ARHGEF10L: variants seen among roughly 807,000 people sequenced by gnomAD.
ARHGEF10L encodes the protein Rho guanine nucleotide exchange factor 10 like.
Under a neutral mutation model 141.2 loss-of-function variants are expected in ARHGEF10L, and 69 were observed. The ratio of observed to expected loss-of-function variants is 0.49; its 90% confidence interval spans 0.40 to 0.60. ARHGEF10L has a LOEUF of 0.60. ARHGEF10L is among the 20% of genes least tolerant of loss of function. The pLI, the probability that ARHGEF10L is intolerant of heterozygous loss-of-function variation, is 0.00. For synonymous variants in ARHGEF10L, 711 were observed against 718.5 expected (o/e 0.99, Z 0.17); for missense variants, 1,482 against 1,734.3 (o/e 0.85, Z 2.58).
chr1:17,587,376 A>T, intron 2 of ARHGEF10L, 84 bp from the exon 3 acceptor site: 1 of 1,405,182 alleles, frequency 7.1e-7, no homozygotes, highest in Non-Finnish European at 9.7e-7. Flanking sequence ...ACCCAGTTCC[A>T]GCCATGCCCA....
At chr1:17,570,096 C>T (rs1398373256) in intron 1 of ARHGEF10L, among the ~76,000 whole-genome samples, 4 of 152,192 alleles carry the variant, frequency 2.6e-5, no homozygotes, top group South Asian at 2.1e-4. Context: ...CCCAGGGGCC[C>T]GACTTGGGAC....
chr1:17,567,166 A>G (rs2077791002), intron 1 of ARHGEF10L, among the ~76,000 whole-genome samples: 1 of 152,192 alleles, frequency 6.6e-6, no homozygotes, highest in African/African-American at 2.4e-5. Context: ...CCATCCGTGC[A>G]TCCGCCCCTC....
intron 28 of ARHGEF10L, 23 bp from the exon 29 acceptor site, chr1:17,696,825 C>T: frequency 6.6e-7 from 1 of 1,515,104 alleles, no homozygotes. Flanking sequence ...GGGCCCCTTT[C>T]TCTCTCGCCC....
rs1402147348 is a variant in ARHGEF10L at position 17,606,135 on chromosome 1, G to A, written c.434-1667G>A. 4.6e-5 allele frequency among the ~76,000 whole-genome samples: 7 copies of A among 152,086 alleles called. No homozygotes were observed. In the South Asian group the frequency reaches 1.0e-3, roughly 23 times the overall value. ...CGGCCTACTGCTCTCAGCCGAGTGC[G>A]TGCTATGTGTCAGGCACTTTGCCAA... On this transcript the variant is annotated intron_variant, in intron 6 of 28. Coordinates refer to ENST00000361221, the MANE Select transcript of ARHGEF10L (RefSeq NM_018125.4).
At position 17,640,994 on chromosome 1, in the gene ARHGEF10L, G is replaced by T. The variant is rs76635026; in HGVS notation, c.2272+692G>T. On this transcript the variant is annotated intron_variant, in intron 21 of 28. Coordinates refer to ENST00000361221, the MANE Select transcript of ARHGEF10L (RefSeq NM_018125.4). ...TCCATTGAGGATTCTGAGGCCCAGA[G>T]ATGTGCGGGGACTTGCCTGAGGTCA... Among the ~76,000 whole-genome samples the T allele has an allele frequency of 6.6e-5, 10 of 152,330 alleles. No homozygotes were observed. In the East Asian group the frequency reaches 1.9e-3, roughly 29 times the overall value.
intron 15 of ARHGEF10L, among the ~76,000 whole-genome samples, chr1:17,630,297 G>GTTTTCT (rs759595230): frequency 2.2e-4 from 34 of 152,344 alleles, no homozygotes; most frequent in East Asian, 1.2e-3. Context: ...CAATATCCTG[G>GTTTTCT]TTTTCTTTTT....
intron 4 of ARHGEF10L, among the ~76,000 whole-genome samples, chr1:17,601,191 G>A (rs1268314037): frequency 1.6e-4 from 25 of 152,140 alleles, no homozygotes; most frequent in Non-Finnish European, 2.9e-5. Flanking sequence ...GGGGTTATGC[G>A]TTTTGGATAA....
At chr1:17,565,385 G>T (rs2077710197) in intron 1 of ARHGEF10L, among the ~76,000 whole-genome samples, 1 of 152,290 alleles carries the variant, frequency 6.6e-6, no homozygotes, top group East Asian at 1.9e-4. Flanking sequence ...TCTCCCTCCT[G>T]CTTAACATTT....
chr1:17,690,489 G>A (rs991609126), intron 27 of ARHGEF10L, among the ~76,000 whole-genome samples: 18 of 152,248 alleles, frequency 1.2e-4, no homozygotes, highest in African/African-American at 3.4e-4. Context: ...CATCTCCTGC[G>A]AGGGCTCCTT....
intron 1 of ARHGEF10L, among the ~76,000 whole-genome samples, chr1:17,554,007 T>C (rs2077209054): frequency 6.6e-6 from 1 of 152,250 alleles, no homozygotes; most frequent in Non-Finnish European, 1.5e-5. Flanking sequence ...GACCTGTATA[T>C]GAAAGCTGGA....
chr1:17,686,107 T>A (rs1369329026), intron 26 of ARHGEF10L, among the ~76,000 whole-genome samples: 1 of 100,304 alleles, frequency 1.0e-5, no homozygotes, highest in Non-Finnish European at 2.1e-5. Context: ...TCTTTCTTTC[T>A]TTTTTTTTTG....
chr1:17,657,462 T>G (rs115810752), intron 25 of ARHGEF10L, among the ~76,000 whole-genome samples: 1 of 151,918 alleles, frequency 6.6e-6, no homozygotes, highest in Non-Finnish European at 1.5e-5. Flanking sequence ...GAGTAGAGAG[T>G]GTAGCCAGCC....
upstream of ARHGEF10L, among the ~76,000 whole-genome samples, chr1:17,538,486 G>C (rs939524500): frequency 6.6e-6 from 1 of 152,140 alleles, no homozygotes; most frequent in African/African-American, 2.4e-5. Flanking sequence ...TTCTTGTGTC[G>C]AGAGGGACAA....
intron 1 of ARHGEF10L, among the ~76,000 whole-genome samples, chr1:17,554,061 C>T (rs988246258): frequency 1.3e-5 from 2 of 152,206 alleles, no homozygotes; most frequent in Non-Finnish European, 2.9e-5. Flanking sequence ...TTGCTAGGTG[C>T]TTCCTTGTGG....
chr1:17,529,054 AGTACAG>A, the ARHGEF10L span, among the ~76,000 whole-genome samples: 1 of 152,100 alleles, frequency 6.6e-6, no homozygotes, highest in African/African-American at 2.4e-5. Context: ...CCCAGGCTGG[AGTACAG>A]TGGCGTGATC....
intron 1 of ARHGEF10L, among the ~76,000 whole-genome samples, chr1:17,540,206 C>A (rs538217952): frequency 6.6e-6 from 1 of 152,190 alleles, no homozygotes; most frequent in East Asian, 2.0e-4. Flanking sequence ...GGCCTTTGTG[C>A]TTCAGCTTGT....
At chr1:17,579,299 C>T (rs1395929529) in intron 1 of ARHGEF10L, among the ~76,000 whole-genome samples, 1 of 152,156 alleles carries the variant, frequency 6.6e-6, no homozygotes, top group Non-Finnish European at 1.5e-5. Flanking sequence ...GAGATACAGG[C>T]GTGAGACACT....
chr1:17,633,973 G>C (rs1023422975), intron 16 of ARHGEF10L, among the ~76,000 whole-genome samples: 1 of 152,162 alleles, frequency 6.6e-6, no homozygotes, highest in Non-Finnish European at 1.5e-5. Context: ...CCGAGACCTG[G>C]CTCTGTGCCA....
At chr1:17,560,712 T>C (rs1427061363) in intron 1 of ARHGEF10L, among the ~76,000 whole-genome samples, 1 of 152,206 alleles carries the variant, frequency 6.6e-6, no homozygotes, top group Non-Finnish European at 1.5e-5. Context: ...ATTACAGGCA[T>C]GCACCACCAC....
Sources: allele counts gnomAD v4.1 joint callset (sites outside exome capture counted in the v4.1 genomes callset), GRCh38; gene constraint gnomAD v4.1.1; transcripts MANE v1.5; gene names NCBI Gene and HGNC (gene_info 2026-07-23, HGNC 2026-07-21).